Variants in PALLD observed in about 807,000 individuals in gnomAD.
PALLD encodes palladin, cytoskeletal associated protein.
Under a neutral mutation model 123.5 loss-of-function variants are expected in PALLD, and 61 were observed. The observed-to-expected ratio is 0.49, with a 90% CI of 0.40 to 0.61. The LOEUF is 0.61. Ranked by LOEUF, PALLD falls within the 20% of genes least tolerant of loss-of-function variation. The pLI is 0.00. For synonymous variants in PALLD, 465 were observed against 496.4 expected, an observed-to-expected ratio of 0.94 and a Z score of 0.84; for missense variants, 1,273 against 1,377.0, an observed-to-expected ratio of 0.92 and a Z score of 1.20.
At chr4:168,847,645 C>G (rs537433974) in intron 10 of PALLD, among the ~76,000 whole-genome samples, 12 of 152,122 alleles carry the variant, frequency 7.9e-5, no homozygotes, top group Non-Finnish European at 1.8e-4. Flanking sequence ...ACTTTATTAT[C>G]GTACTACTTT....
At chr4:168,526,682 G>T (rs948651376) in intron 2 of PALLD, among the ~76,000 whole-genome samples, 1 of 152,134 alleles carries the variant, frequency 6.6e-6, no homozygotes, top group African/African-American at 2.4e-5. Context: ...ATGATAGGGG[G>T]CAAGTGTTAG....
intron 2 of PALLD, among the ~76,000 whole-genome samples, chr4:168,580,580 C>G (rs1313449894): frequency 6.6e-6 from 1 of 152,012 alleles, no homozygotes; most frequent in Non-Finnish European, 1.5e-5. Flanking sequence ...CCTCAAAGAA[C>G]TAACTACAGA....
intron 2 of PALLD, among the ~76,000 whole-genome samples, chr4:168,558,129 G>A (rs1290589973): frequency 1.3e-5 from 2 of 152,124 alleles, no homozygotes; most frequent in Non-Finnish European, 2.9e-5. Context: ...GCCTTTTTCT[G>A]ATGAGGTCAC....
chr4:168,792,944 T>C (rs1378616453), intron 10 of PALLD, among the ~76,000 whole-genome samples: 6 of 151,534 alleles, frequency 4.0e-5, no homozygotes, highest in African/African-American at 1.5e-4. Context: ...TTTTTGTATT[T>C]TTAGTAGAGA....
At position 168,711,891 on chromosome 4, in the gene PALLD, G is replaced by A. The variant is rs1458781456; in HGVS notation, c.1932G>A (p.Lys644=). The change falls in exon 10 of 22, where the codon AAG becomes AAA. Residue 644 remains lysine, a synonymous_variant. Transcript: ENST00000505667. The stretch of plus-strand genomic sequence containing the variant: ...CAGCTGTCCTGCTTTCACCCACTAA[G>A]GAGCCACCACCTCTGCTTGCCAAAC... ...PTPAVLLSPT[K]EPPPLLAKPK... is the part of the protein sequence containing the mutation. 6.2e-7 allele frequency: 1 copy of A among 1,613,950 alleles called. No individual in the cohort carries two copies. The highest frequency in any genetic ancestry group is 2.2e-5 in the East Asian group (1 of 44,886).
chr4:168,874,310 G>C (rs947143428), intron 10 of PALLD, among the ~76,000 whole-genome samples: 1 of 152,148 alleles, frequency 6.6e-6, no homozygotes, highest in South Asian at 2.1e-4. Context: ...CTTTAATCTA[G>C]TGGTAGGAGA....
chr4:168,630,763 C>A (rs980592615), intron 2 of PALLD, among the ~76,000 whole-genome samples: 2 of 152,170 alleles, frequency 1.3e-5, no homozygotes, highest in Admixed American at 6.5e-5. Context: ...ACAAGCAGTT[C>A]TGGGACTGGA....
intron 2 of PALLD, among the ~76,000 whole-genome samples, chr4:168,587,743 C>T (rs1451669087): frequency 6.6e-6 from 1 of 152,134 alleles, no homozygotes; most frequent in East Asian, 1.9e-4. Flanking sequence ...TCCCATTTTC[C>T]ACCATACAGA....
intron 8 of PALLD, among the ~76,000 whole-genome samples, chr4:168,705,765 T>A (rs1236986029): frequency 6.6e-6 from 1 of 152,104 alleles, no homozygotes; most frequent in East Asian, 1.9e-4. Context: ...GCCTCTCAAG[T>A]AGCTGGGATT....
chr4:168,820,034 G>A (rs942900273), intron 10 of PALLD, among the ~76,000 whole-genome samples: 1 of 152,194 alleles, frequency 6.6e-6, no homozygotes. Context: ...CTCCTGTGGC[G>A]AACTTAAACA....
intron 10 of PALLD, among the ~76,000 whole-genome samples, chr4:168,863,607 G>T (rs553920188): frequency 6.6e-6 from 1 of 151,424 alleles, no homozygotes; most frequent in Non-Finnish European, 1.5e-5. Flanking sequence ...TTTGAAAGAC[G>T]ATAGCATGAT....
chr4:168,815,254 G>T (rs1741740345), intron 10 of PALLD, among the ~76,000 whole-genome samples: 2 of 152,148 alleles, frequency 1.3e-5, no homozygotes, highest in Non-Finnish European at 2.9e-5. Flanking sequence ...TAGCAGAATT[G>T]CTTGGTGCTC....
chr4:168,704,207 C>T lies in PALLD; in HGVS notation c.1502-4821C>T, dbSNP rs540443703. Reference sequence around the variant, plus strand: ...GTAGAAAGCTGAAACTGGATCCCTTCCTTACACCTTATACAAAAATTAATT... The same window carrying T: ...GTAGAAAGCTGAAACTGGATCCCTTTCTTACACCTTATACAAAAATTAATT... On this transcript the variant is annotated intron_variant, in intron 8 of 21. Transcript: ENST00000505667. Among the ~76,000 whole-genome samples, 306 of 151,818 alleles carry T rather than the reference C, an allele frequency of 2.0e-3. 2 individuals carry two copies. The highest frequency in any genetic ancestry group is 3.6e-3 in the Admixed American group (55 of 15,262).
chr4:168,584,227 T>C (rs1445261921), intron 2 of PALLD, among the ~76,000 whole-genome samples: 1 of 152,016 alleles, frequency 6.6e-6, no homozygotes, highest in Non-Finnish European at 1.5e-5. Context: ...TTTTTTTTTT[T>C]TTACCTCGTC....
chr4:168,902,753 T>A (rs371799343), intron 14 of PALLD, among the ~76,000 whole-genome samples: 4 of 152,282 alleles, frequency 2.6e-5, no homozygotes, highest in South Asian at 4.1e-4. Flanking sequence ...AAATATTGTA[T>A]TTAATCAAAA....
At chr4:168,553,340 T>C (rs1193576681) in intron 2 of PALLD, among the ~76,000 whole-genome samples, 1 of 152,150 alleles carries the variant, frequency 6.6e-6, no homozygotes, top group African/African-American at 2.4e-5. Flanking sequence ...AAGGTAGAGA[T>C]GGGTGAAGTT....
intron 10 of PALLD, among the ~76,000 whole-genome samples, chr4:168,808,841 A>G (rs1416900146): frequency 1.3e-5 from 2 of 152,092 alleles, no homozygotes; most frequent in African/African-American, 2.4e-5. Flanking sequence ...TGATTCAATT[A>G]TCTCCCACCG....
intron 2 of PALLD, among the ~76,000 whole-genome samples, chr4:168,519,915 T>C (rs975343954): frequency 1.3e-5 from 2 of 151,056 alleles, no homozygotes; most frequent in Non-Finnish European, 3.0e-5. Flanking sequence ...TTTTTTTTTT[T>C]CTGTGTATTT....
intron 2 of PALLD, among the ~76,000 whole-genome samples, chr4:168,625,502 G>GATAGATATATATATATATATAT: frequency 0.016 from 1,809 of 114,314 alleles, 52 homozygotes; most frequent in Non-Finnish European, 0.02. Context: ...ATATCCAGGA[G>GATAGATATATATATATATATAT]ATATATATAT....
Sources: allele counts gnomAD v4.1 joint callset (sites outside exome capture counted in the v4.1 genomes callset), GRCh38; gene constraint gnomAD v4.1.1; transcripts MANE v1.5; gene names NCBI Gene and HGNC (gene_info 2026-07-23, HGNC 2026-07-21).